PCNT: variants seen among roughly 807,000 people sequenced by gnomAD.
The protein encoded by PCNT is kendrin.
In PCNT, 319 loss-of-function variants were observed where a neutral mutation model predicts 380.4. That is an observed-to-expected ratio of 0.84 (90% CI 0.77 to 0.92). PCNT has a LOEUF of 0.92. PCNT is among the 40% of genes least tolerant of loss of function. PCNT has a pLI of 0.00. For missense variants in PCNT, 4,400 were observed against 4,255.3 expected (o/e 1.03, Z -0.95); for synonymous variants, 1,845 against 1,735.2 (o/e 1.06, Z -1.57).
intron 29 of PCNT, among the ~76,000 whole-genome samples, chr21:46,414,083 C>CTCCTGGACATG (rs2086912676): frequency 6.6e-6 from 1 of 152,034 alleles, no homozygotes; most frequent in African/African-American, 2.4e-5. Flanking sequence ...CCTCTGCCTC[C>CTCCTGGACATG]CGAGTTCAAG....
At position 46,346,901 on chromosome 21, in the gene PCNT, C is replaced by A; in HGVS notation, c.879C>A (p.Ala293=). 1 of 1,604,946 alleles carries A rather than the reference C, an allele frequency of 6.2e-7. No homozygotes were observed. Among genetic ancestry groups the A allele is most frequent in the East Asian group, 2.2e-5 (1 of 44,504 alleles). The stretch of plus-strand genomic sequence containing the variant: ...ACAGCCGGCGTGCCCAGGAGCTGGC[C>A]CTGCTACAGAGCAGGCAGCAGCACG... ...MLNSRRAQEL[A]LLQSRQQHEL... The change falls in exon 5 of 47, where the codon GCC becomes GCA. Residue 293 remains alanine, a synonymous_variant. Transcript: ENST00000359568.
In PCNT at chr21:46,427,784, A is replaced by AGG; in HGVS notation, c.7483_7484insGG (p.Ile2495ArgfsTer37). 6.2e-7 allele frequency: 1 copy of AGG among 1,613,470 alleles called. No homozygotes were observed. Among genetic ancestry groups the AGG allele is most frequent in the Non-Finnish European group, 8.5e-7 (1 of 1,180,006 alleles). On this transcript the variant is annotated frameshift_variant, in exon 34 of 47. Transcript: ENST00000359568. LOFTEE classifies it high-confidence loss of function. ...CCTGCTCGAAAGGCTGGAGAAGATCATCCGTGAGCAGGTGAGTGTCAGCTC... is the reference window on the plus strand; with the variant it reads ...CCTGCTCGAAAGGCTGGAGAAGATCAGGTCCGTGAGCAGGTGAGTGTCAGCTC...
intron 40 of PCNT, among the ~76,000 whole-genome samples, chr21:46,437,554 A>C (rs1317610729): frequency 6.6e-6 from 1 of 152,158 alleles, no homozygotes; most frequent in Non-Finnish European, 1.5e-5. Context: ...AGAAACAAAA[A>C]CCCAAGTCCT....
chr21:46,353,045 G>A lies in PCNT; in HGVS notation c.1457-59G>A, dbSNP rs564447253. The A allele has an allele frequency of 1.1e-3, 1,592 of 1,416,684 alleles. 8 individuals carry two copies. The highest frequency in any genetic ancestry group is 1.5e-3 in the Non-Finnish European group (1,503 of 1,004,206). 87.8% of individuals were successfully genotyped at this position (1,416,684 alleles called of 1,614,324 possible). A position where few individuals can be genotyped will look rare whatever the true frequency, so the allele number is the denominator to read the frequency against. On this transcript the variant is annotated intron_variant, in intron 9 of 46. Coordinates refer to ENST00000359568, the MANE Select transcript of PCNT (RefSeq NM_006031.6). Reference sequence around the variant, plus strand: ...ACAGGTAACCAGGCTCTTGCCTCTCGCCTGGCTTGTTGTGGGTGTCCCATT... The same window carrying A: ...ACAGGTAACCAGGCTCTTGCCTCTCACCTGGCTTGTTGTGGGTGTCCCATT...
At chr21:46,328,254 G>GTTT (rs34324198) in intron 2 of PCNT, among the ~76,000 whole-genome samples, 2 of 123,714 alleles carry the variant, frequency 1.6e-5, no homozygotes, top group Non-Finnish European at 3.4e-5. Flanking sequence ...GGGTTGGTGT[G>GTTT]TTTTTTTTTT....
At chr21:46,400,767 G>A (rs755579330) in intron 25 of PCNT, among the ~76,000 whole-genome samples, 6 of 152,118 alleles carry the variant, frequency 3.9e-5, no homozygotes, top group Admixed American at 3.3e-4. Flanking sequence ...TGATCTGCCC[G>A]CCTTGGCCTC....
At chr21:46,410,856 A>G (rs2086762961) in intron 27 of PCNT, among the ~76,000 whole-genome samples, 1 of 152,254 alleles carries the variant, frequency 6.6e-6, no homozygotes, top group Non-Finnish European at 1.5e-5. Context: ...CTTCAGGAAA[A>G]TCAAACAAAT....
chr21:46,383,668 G>T (rs974382021), intron 16 of PCNT, among the ~76,000 whole-genome samples: 14 of 146,020 alleles, frequency 9.6e-5, no homozygotes, highest in African/African-American at 3.3e-4. Context: ...TGGCGGAAGC[G>T]CATTCACAGT....
chr21:46,391,099 C>T (rs1484879288), intron 20 of PCNT, 65 bp from the exon 21 acceptor site: 6 of 1,459,170 alleles, frequency 4.1e-6, no homozygotes, highest in Non-Finnish European at 5.6e-6. Context: ...TCCCTTCCTC[C>T]AAGCAGGCTC....
chr21:46,397,928 G>C (rs546445955), intron 22 of PCNT, 86 bp from the exon 23 acceptor site: 5 of 961,740 alleles, frequency 5.2e-6, no homozygotes, highest in Admixed American at 2.0e-5. Context: ...GCACTTGTAC[G>C]TGCAGTGGAA....
At chr21:46,383,789 T>C (rs2085696326) in intron 16 of PCNT, among the ~76,000 whole-genome samples, 1 of 135,756 alleles carries the variant, frequency 7.4e-6, no homozygotes, top group African/African-American at 2.6e-5. Context: ...GTGTTGTGCG[T>C]TCAGTGGCAG....
chr21:46,429,278 CA>C (rs1435685078), intron 35 of PCNT, among the ~76,000 whole-genome samples: 1 of 94,028 alleles, frequency 1.1e-5, no homozygotes, highest in East Asian at 2.7e-4. Flanking sequence ...AAGCGCTTGT[CA>C]GGGGCATGGG....
intron 31 of PCNT, among the ~76,000 whole-genome samples, chr21:46,421,296 C>G (rs759132936): frequency 2.7e-5 from 4 of 148,904 alleles, no homozygotes; most frequent in Admixed American, 6.6e-5. Context: ...CGCTGGCATC[C>G]TCATCCTCCT....
chr21:46,399,833 A>T (rs773511404), intron 25 of PCNT, 37 bp downstream of exon 25: 2 of 1,568,238 alleles, frequency 1.3e-6, no homozygotes, highest in Non-Finnish European at 1.8e-6. Flanking sequence ...GCACGTGGTG[A>T]GGTGTCCCGC....
rs147878958 is a variant in PCNT, at chr21:46,357,191, G to T, written c.2154G>T (p.Lys718Asn). ...CTCGTCTGAAGGACGATTTGGAGAA[G>T]GTGAGTCGTGACTCCACAGCCCAGC... is the stretch of plus-strand genomic sequence containing the variant. ...HETRLKDDLE[K>N]VKHNLIEDHQ... The change falls in exon 13 of 47, where the codon AAG becomes AAT. Residue 718 changes from lysine to asparagine, a missense_variant and splice_region_variant. Lys to Asn is a moderately conservative substitution (Grantham distance 94). Coordinates refer to ENST00000359568, the MANE Select transcript of PCNT (RefSeq NM_006031.6). 6.2e-7 allele frequency: 1 copy of T among 1,603,292 alleles called. No homozygotes were observed. Among genetic ancestry groups the T allele is most frequent in the Non-Finnish European group, 8.5e-7 (1 of 1,170,018 alleles).
rs28392898 is a variant in PCNT, at chr21:46,422,269, C to T, written c.7179+145C>T. 1,794 of 1,081,286 alleles carry T rather than the reference C, an allele frequency of 1.7e-3. 30 individuals are homozygous for T. In the African/African-American group the frequency reaches 0.025, roughly 15 times the overall value. 67.0% of individuals were successfully genotyped at this position (1,081,286 alleles called of 1,614,324 possible). A position where few individuals can be genotyped will look rare whatever the true frequency, so the allele number is the denominator to read the frequency against. On this transcript the variant is annotated intron_variant, in intron 32 of 46. Coordinates refer to ENST00000359568, the MANE Select transcript of PCNT (RefSeq NM_006031.6). ...TGAGCACCTGCATTTTAATGACTCA[C>T]GGGAGGCAGCCCCACGGTGGCCCCG...
chr21:46,421,501 G>A (rs1179854371), intron 31 of PCNT, among the ~76,000 whole-genome samples: 1 of 152,162 alleles, frequency 6.6e-6, no homozygotes, highest in African/African-American at 2.4e-5. Flanking sequence ...CCTGACACAG[G>A]AGCTGCACCG....
chr21:46,365,800 A>G (rs1357306140), intron 14 of PCNT, among the ~76,000 whole-genome samples: 1 of 142,900 alleles, frequency 7.0e-6, no homozygotes, highest in Non-Finnish European at 1.5e-5. Flanking sequence ...GGTTCTATTC[A>G]CTGCCATGGG....
intron 2 of PCNT, among the ~76,000 whole-genome samples, chr21:46,333,617 C>T (rs1294562031): frequency 3.4e-5 from 5 of 149,180 alleles, no homozygotes; most frequent in Non-Finnish European, 6.0e-5. Flanking sequence ...AAAAAAATTA[C>T]AGGCTGGGCA....
Sources: allele counts gnomAD v4.1 joint callset (sites outside exome capture counted in the v4.1 genomes callset), GRCh38; gene constraint gnomAD v4.1.1; transcripts MANE v1.5; gene names NCBI Gene and HGNC (gene_info 2026-07-23, HGNC 2026-07-21).